Variants in ANXA3 observed in about 807,000 individuals in gnomAD.
ANXA3 encodes the protein 35-alpha calcimedin.
A neutral mutation model predicts 48.8 loss-of-function variants in ANXA3; 46 were observed. The ratio of observed to expected loss-of-function variants is 0.94; its 90% CI spans 0.74 to 1.21. ANXA3 has a LOEUF of 1.21. ANXA3 is among the 50% of genes most tolerant of loss of function. ANXA3 has a pLI of 0.00. For missense variants in ANXA3, 383 were observed against 378.6 expected (o/e 1.01, Z -0.10); for synonymous variants, 128 against 134.7 (o/e 0.95, Z 0.35).
At chr4:78,554,412 T>C (rs1722467106) in intron 1 of ANXA3, 24 bp from the exon 2 acceptor site, 1 of 1,453,250 alleles carries the variant, frequency 6.9e-7, no homozygotes, top group East Asian at 2.3e-5. Flanking sequence ...TTGATACCAT[T>C]TACTAATTGT....
At position 78,573,118 on chromosome 4, in the gene ANXA3, C is replaced by T. The variant is rs777527356; in HGVS notation, c.16-62C>T. ...CCTCTCATATGCATGAAGGAATATG[C>T]ATATGTAATACAAGAAAGATGTCAT... On this transcript the variant is annotated intron_variant, in intron 2 of 12. Coordinates refer to ENST00000264908, the MANE Select transcript of ANXA3 (RefSeq NM_005139.3). 3 of 1,182,910 alleles carry T rather than the reference C, an allele frequency of 2.5e-6. No homozygotes were observed. The South Asian group carries it at 3.6e-5, about 14-fold the overall frequency. 73.3% of individuals were successfully genotyped at this position (1,182,910 alleles called of 1,614,324 possible).
chr4:78,605,161 G>A (rs1430281884), intron 12 of ANXA3, among the ~76,000 whole-genome samples: 4 of 152,134 alleles, frequency 2.6e-5, no homozygotes, highest in African/African-American at 9.7e-5. Flanking sequence ...GGGTCTTGCT[G>A]TGTTGCCCAG....
At chr4:78,606,844 A>T (rs750012512) in intron 12 of ANXA3, among the ~76,000 whole-genome samples, 3 of 152,234 alleles carry the variant, frequency 2.0e-5, no homozygotes, top group Non-Finnish European at 2.9e-5. Context: ...CAAAAAGGCA[A>T]TTCTCAGACT....
chr4:78,601,492 A>G lies in ANXA3; in HGVS notation c.731-18A>G, dbSNP rs1468713663. ...TTTCTATTCCGTGAAGCTGAACATT[A>G]TTTGCTTTTTGTTACAGTTAATTGT... is the stretch of plus-strand genomic sequence containing the variant. On this transcript the variant is annotated intron_variant, in intron 10 of 12. Coordinates refer to ENST00000264908, the MANE Select transcript of ANXA3 (RefSeq NM_005139.3). The G allele has an allele frequency of 1.9e-6, 3 of 1,612,334 alleles. No individual in the cohort carries two copies. Among genetic ancestry groups the G allele is most frequent in the African/African-American group, 2.7e-5 (2 of 74,880 alleles).
intron 2 of ANXA3, among the ~76,000 whole-genome samples, chr4:78,557,363 T>C (rs1722536005): frequency 6.6e-6 from 1 of 152,194 alleles, no homozygotes; most frequent in Admixed American, 6.5e-5. Flanking sequence ...TGTGATTAAA[T>C]TGGGCCCACC....
At chr4:78,552,717 G>T (rs1212696712) in intron 1 of ANXA3, among the ~76,000 whole-genome samples, 1 of 152,138 alleles carries the variant, frequency 6.6e-6, no homozygotes. Flanking sequence ...CTGCCCTCCG[G>T]GAAAGATACA....
intron 2 of ANXA3, among the ~76,000 whole-genome samples, chr4:78,571,585 A>G (rs546341863): frequency 6.6e-6 from 1 of 152,318 alleles, no homozygotes; most frequent in Admixed American, 6.5e-5. Flanking sequence ...GCCAAAATGA[A>G]CCCATATTAA....
intron 5 of ANXA3, among the ~76,000 whole-genome samples, chr4:78,583,182 TAAAA>T (rs71216223): frequency 4.0e-5 from 6 of 151,312 alleles, no homozygotes. Context: ...CTACAAAAAA[TAAAA>T]AAAAAATTAG....
chr4:78,557,423 T>C (rs540868129), intron 2 of ANXA3, among the ~76,000 whole-genome samples: 1 of 152,316 alleles, frequency 6.6e-6, no homozygotes, highest in South Asian at 2.1e-4. Flanking sequence ...ACCTTAATTA[T>C]GTTTGCAAAG....
chr4:78,581,661 T>C (rs1240944334), intron 4 of ANXA3, among the ~76,000 whole-genome samples: 1 of 152,212 alleles, frequency 6.6e-6, no homozygotes, highest in Non-Finnish European at 1.5e-5. Context: ...ACACTTAGGG[T>C]TTTCTTTTCT....
chr4:78,580,442 C>T (rs1400653775), intron 4 of ANXA3, among the ~76,000 whole-genome samples: 1 of 152,214 alleles, frequency 6.6e-6, no homozygotes, highest in Non-Finnish European at 1.5e-5. Flanking sequence ...AGGTTGAGAA[C>T]ATGCTAAGCC....
At chr4:78,604,587 G>A (rs1368235105) in intron 12 of ANXA3, among the ~76,000 whole-genome samples, 188 bp downstream of exon 12, 3 of 151,982 alleles carry the variant, frequency 2.0e-5, no homozygotes, top group Non-Finnish European at 4.4e-5. Context: ...AAAATCCCAG[G>A]CATATAATAG....
chr4:78,608,352 A>G (rs1198726138), intron 12 of ANXA3, among the ~76,000 whole-genome samples: 1 of 152,186 alleles, frequency 6.6e-6, no homozygotes, highest in Non-Finnish European at 1.5e-5. Context: ...AAAAGAAATG[A>G]CAAATGGAAA....
intron 10 of ANXA3, among the ~76,000 whole-genome samples, chr4:78,600,444 C>T (rs1723510322): frequency 6.6e-6 from 1 of 152,084 alleles, no homozygotes; most frequent in African/African-American, 2.4e-5. Flanking sequence ...GACTGGAAAG[C>T]TTAATAGGAT....
intron 6 of ANXA3, among the ~76,000 whole-genome samples, chr4:78,590,359 G>T (rs1011537390): frequency 4.6e-5 from 7 of 152,192 alleles, no homozygotes; most frequent in Non-Finnish European, 8.8e-5. Context: ...TCATAAAAAA[G>T]AGACTTACTA....
At chr4:78,578,206 G>A (rs924364642) in intron 3 of ANXA3, among the ~76,000 whole-genome samples, 21 of 151,582 alleles carry the variant, frequency 1.4e-4, no homozygotes, top group African/African-American at 4.4e-4. Context: ...GCTTGAACCC[G>A]GGAGGTGGTG....
chr4:78,595,413 G>A lies in ANXA3; in HGVS notation c.516G>A (p.Glu172=), dbSNP rs1723399244. 3.1e-6 allele frequency: 5 copies of A among 1,613,426 alleles called. No individual in the cohort carries two copies. Among genetic ancestry groups the A allele is most frequent in the Non-Finnish European group, 4.2e-6 (5 of 1,179,824 alleles). ...GAGATGAAAGTCTGAAAGTGGATGA[G>A]CATCTGGCCAAACAAGATGCCCAGG... ...GRRDESLKVD[E]HLAKQDAQIL... The change falls in exon 8 of 13, where the codon GAG becomes GAA. Residue 172 remains glutamate (E), a synonymous_variant. Transcript: ENST00000264908.
chr4:78,604,142 G>A, intron 11 of ANXA3, 135 bp from the exon 12 acceptor site: 2 of 796,258 alleles, frequency 2.5e-6, no homozygotes, highest in South Asian at 6.5e-5. Context: ...TGAATGATGA[G>A]TTTGATAATA....
rs1301919151 is a variant in ANXA3 at position 78,565,320 on chromosome 4, G to A, written c.16-7860G>A. ...TAACAGATCCCTTGGCTGCTATGTG[G>A]GAAATGGCTGGAGATGGGAAGTAGG... On this transcript the variant is annotated intron_variant, in intron 2 of 12. Coordinates refer to ENST00000264908, the MANE Select transcript of ANXA3 (RefSeq NM_005139.3). 3.3e-5 allele frequency among the ~76,000 whole-genome samples: 5 copies of A among 152,282 alleles called. No homozygotes were observed. In the East Asian group the frequency reaches 7.7e-4, roughly 24 times the overall value.
Sources: gnomAD v4.1 joint callset for allele counts (sites outside exome capture counted in the v4.1 genomes callset) on GRCh38, gnomAD v4.1.1 for gene constraint, MANE v1.5 for transcripts, NCBI Gene and HGNC (gene_info 2026-07-23, HGNC 2026-07-21) for gene names.